RER1: variants seen among roughly 807,000 people sequenced by gnomAD.
RER1 encodes the protein retention in endoplasmic reticulum sorting receptor 1.
Under a neutral mutation model 28.3 loss-of-function variants are expected in RER1, and 6 were observed. The ratio of observed to expected loss-of-function variants is 0.21; its 90% CI spans 0.12 to 0.42. RER1 has a LOEUF of 0.42. Among genes scored for constraint, RER1 ranks in the 10% least tolerant of loss-of-function variants. The pLI, the probability that RER1 is intolerant of heterozygous loss-of-function variation, is 1.00. For synonymous variants in RER1, 110 were observed against 95.9 expected (o/e 1.15, Z -0.86); for missense variants, 159 against 252.9 (o/e 0.63, Z 2.52).
chr1:2,402,976 A>G (rs1246965659), intron 6 of RER1, 59 bp from the exon 7 acceptor site: 1 of 1,412,360 alleles, frequency 7.1e-7, no homozygotes, highest in Non-Finnish European at 9.9e-7. Context: ...AGATTTGGGG[A>G]CAGTGTGACT....
At chr1:2,402,179 G>A (rs748791762) in intron 5 of RER1, 28 bp from the exon 6 acceptor site, 5 of 1,613,938 alleles carry the variant, frequency 3.1e-6, no homozygotes, top group East Asian at 4.5e-5. Context: ...CTGCAGATGC[G>A]GCGCTAACCT....
chr1:2,399,437 C>T lies in RER1; in HGVS notation c.209C>T (p.Ala70Val). 6.2e-7 allele frequency: 1 copy of T among 1,611,212 alleles called. No homozygotes were observed. The highest frequency in any genetic ancestry group is 8.5e-7 in the Non-Finnish European group (1 of 1,177,308). Reference sequence around the variant, plus strand: ...CAGGGTTGGTACATTGTGACCTATGCCTTGGGGATCTACCATCTAAATCTT... The same window carrying T: ...CAGGGTTGGTACATTGTGACCTATGTCTTGGGGATCTACCATCTAAATCTT... ...LLQGWYIVTY[A>V]LGIYHLNLFI... The change falls in exon 4 of 7, where the codon GCC (alanine) becomes GTC (valine). Residue 70 changes from alanine (A) to valine (V), a missense_variant. Coordinates refer to ENST00000605895, the MANE Select transcript of RER1 (RefSeq NM_007033.5).
chr1:2,400,420 C>T (rs1160786142), intron 4 of RER1, among the ~76,000 whole-genome samples: 1 of 152,218 alleles, frequency 6.6e-6, no homozygotes, highest in East Asian at 1.9e-4. Flanking sequence ...GCACCCATCC[C>T]AGTGGGGGAG....
rs760800541 is a variant in RER1, at chr1:2,395,903, T to C, written c.81+32T>C. 3.3e-6 allele frequency: 5 copies of C among 1,525,656 alleles called. No homozygotes were observed. In the East Asian group the frequency reaches 1.1e-4, roughly 34 times the overall value. The allele number at this position is 1,525,656 out of a possible 1,614,324, so 94.5% of individuals were successfully genotyped here. The stretch of plus-strand genomic sequence containing the variant: ...GGGTTTTTTAGTAGATGAGTATAAA[T>C]ATTTGAAAAAGAAACGGGACTCCCA... On this transcript the variant is annotated intron_variant, in intron 2 of 6. Coordinates refer to ENST00000605895, the MANE Select transcript of RER1 (RefSeq NM_007033.5).
intron 1 of RER1, among the ~76,000 whole-genome samples, chr1:2,392,204 G>A (rs1642687063): frequency 6.6e-6 from 1 of 152,012 alleles, no homozygotes; most frequent in African/African-American, 2.4e-5. Context: ...TGCGAGGGTC[G>A]GGGGAGCGGG....
intron 3 of RER1, among the ~76,000 whole-genome samples, chr1:2,397,509 G>A (rs1410959191): frequency 1.3e-5 from 2 of 151,816 alleles, no homozygotes; most frequent in Admixed American, 6.6e-5. Flanking sequence ...AGCCGCTGGT[G>A]TCCCTCCGAC....
chr1:2,402,655 T>A (rs1642886243), intron 6 of RER1, among the ~76,000 whole-genome samples: 3 of 152,184 alleles, frequency 2.0e-5, no homozygotes, highest in African/African-American at 7.2e-5. Flanking sequence ...CGCGCCAGCC[T>A]GCCCGAGGAG....
Position 2,403,953 on chromosome 1 carries a change from T to C in RER1, c.*829T>C, listed in dbSNP as rs1642915718. On this transcript the variant is annotated 3_prime_UTR_variant, in exon 7 of 7. Transcript: ENST00000605895. ...AGCGTTTTTGATTCGAGAAAAGAAA[T>C]ACTCTCAACGTTTTACCAAGTGATT... is the stretch of plus-strand genomic sequence containing the variant. The C allele has an allele frequency of 6.6e-6, 1 of 152,266 alleles. No individual in the cohort carries two copies. Among genetic ancestry groups the C allele is most frequent in the Non-Finnish European group, 1.5e-5 (1 of 68,032 alleles). 9.4% of individuals were successfully genotyped at this position (152,266 alleles called of 1,614,324 possible). A position where few individuals can be genotyped will look rare whatever the true frequency, so the allele number is the denominator to read the frequency against.
In RER1 at chr1:2,404,687, CTT is replaced by C. The variant is rs1642939241; in HGVS notation, c.*1565_*1566del. 1 of 152,254 alleles carries C rather than the reference CTT, an allele frequency of 6.6e-6. No individual in the cohort carries two copies. Among genetic ancestry groups the C allele is most frequent in the African/African-American group, 2.4e-5 (1 of 41,464 alleles). 9.4% of individuals were successfully genotyped at this position (152,254 alleles called of 1,614,324 possible). On this transcript the variant is annotated 3_prime_UTR_variant, in exon 7 of 7. Transcript: ENST00000605895. ...ACAGCAAGACATGGTTTGCGCGGGT[CTT>C]TGCCGGAAGCCGGTCCTGCTGGCCA...
intron 3 of RER1, among the ~76,000 whole-genome samples, chr1:2,398,901 C>T (rs112209370): frequency 8.5e-5 from 13 of 152,172 alleles, no homozygotes; most frequent in Admixed American, 7.9e-4. Flanking sequence ...AAGGTTTAAC[C>T]CTCCTGGCAG....
In RER1 at chr1:2,395,844, G is replaced by A. The variant is rs370166182; in HGVS notation, c.54G>A (p.Val18=). ...CCGTCCATGGGAAACCTTCGGTGGT[G>A]TACAGATTTTTCACAAGACTTGGAC... ...GESVHGKPSV[V]YRFFTRLGQI... is the part of the protein sequence containing the mutation. The change falls in exon 2 of 7, where the codon GTG becomes GTA. Residue 18 remains valine, a synonymous_variant. Coordinates refer to ENST00000605895, the MANE Select transcript of RER1 (RefSeq NM_007033.5). 1.1e-5 allele frequency: 17 copies of A among 1,613,910 alleles called. No homozygotes were observed. In the African/African-American group the frequency reaches 1.3e-4, roughly 13 times the overall value.
rs531302531 is a variant in RER1, at chr1:2,404,581, C to A, written c.*1457C>A. ...CCTCCCAGTCTAGAGGGTCACGGCCCCCCCGCCCTCCTCCGTCTCTGGCAA... is the reference window on the plus strand; with the variant it reads ...CCTCCCAGTCTAGAGGGTCACGGCCACCCCGCCCTCCTCCGTCTCTGGCAA... On this transcript the variant is annotated 3_prime_UTR_variant, in exon 7 of 7. Transcript: ENST00000605895. The A allele has an allele frequency of 6.6e-6, 1 of 152,250 alleles. No individual in the cohort carries two copies. Among genetic ancestry groups the A allele is most frequent in the Non-Finnish European group, 1.5e-5 (1 of 68,066 alleles). 9.4% of individuals were successfully genotyped at this position (152,250 alleles called of 1,614,324 possible).
chr1:2,401,252 T>C (rs1570083486), intron 5 of RER1, among the ~76,000 whole-genome samples: 1 of 62,230 alleles, frequency 1.6e-5, no homozygotes, highest in Admixed American at 1.6e-4. Flanking sequence ...TCCTCCCTCC[T>C]TCCTCCCTCC....
intron 6 of RER1, 113 bp downstream of exon 6, chr1:2,402,455 A>T (rs1570086812): frequency 9.3e-6 from 13 of 1,390,858 alleles, no homozygotes; most frequent in African/African-American, 5.6e-5. Context: ...CCTGGTGTGA[A>T]TGTGGAGCTA....
intron 2 of RER1, chr1:2,396,226 C>G (rs535321888): frequency 1.1e-4 from 32 of 290,274 alleles, no homozygotes; most frequent in South Asian, 5.4e-4. Flanking sequence ...GTGCTGGTAG[C>G]CCCACCTGCC....
chr1:2,401,592 G>T (rs3001336), intron 5 of RER1, among the ~76,000 whole-genome samples: 1 of 151,144 alleles, frequency 6.6e-6, no homozygotes, highest in Admixed American at 6.6e-5. Context: ...CGTTTGTCTT[G>T]TCCCTCATAC....
chr1:2,402,129 G>T, intron 5 of RER1, 78 bp from the exon 6 acceptor site: 7 of 1,613,912 alleles, frequency 4.3e-6, no homozygotes, highest in Non-Finnish European at 5.9e-6. Context: ...GGTCGGTGCA[G>T]CTGCAAGGCT....
In RER1 at chr1:2,403,597, T is replaced by TC. The variant is rs1411069485; in HGVS notation, c.*474dup. 1 of 167,198 alleles carries TC rather than the reference T, an allele frequency of 6.0e-6. No homozygotes were observed. The highest frequency in any genetic ancestry group is 2.4e-5 in the African/African-American group (1 of 41,648). The allele number at this position is 167,198 out of a possible 1,614,324, so 10.4% of individuals were successfully genotyped here. On this transcript the variant is annotated 3_prime_UTR_variant, in exon 7 of 7. Transcript: ENST00000605895. ...GAACTTAACGTTTTAAAGGTGATTG[T>TC]CAAGTAACTGTGTGGGGTTCTAATG...
chr1:2,396,779 G>C (rs749577196), intron 2 of RER1, among the ~76,000 whole-genome samples: 45 of 152,258 alleles, frequency 3.0e-4, no homozygotes, highest in Non-Finnish European at 6.0e-4. Context: ...CTGTAGGGTG[G>C]GGACTTTGAG....
Sources: allele counts gnomAD v4.1 joint callset (sites outside exome capture counted in the v4.1 genomes callset), GRCh38; gene constraint gnomAD v4.1.1; transcripts MANE v1.5; gene names NCBI Gene and HGNC (gene_info 2026-07-23, HGNC 2026-07-21).